Variants in CPM observed in about 807,000 individuals in gnomAD.
CPM encodes the protein carboxypeptidase M, also known as renal carboxypeptidase.
Under a neutral mutation model 46.4 loss-of-function variants are expected in CPM, and 35 were observed. That is an observed-to-expected ratio of 0.75 (90% CI 0.58 to 1.00). CPM has a LOEUF of 1.00. Among genes scored for constraint, CPM ranks in the 50% least tolerant of loss-of-function variants. The probability of loss-of-function intolerance (pLI) is 0.00; values close to 1 mark genes in which losing one functional copy is unlikely to be tolerated. For missense variants in CPM, 422 were observed against 530.4 expected (o/e 0.80, Z 2.01); for synonymous variants, 195 against 195.3 (o/e 1.00, Z 0.01).
At chr12:68,913,695 C>T (rs760116903) in intron 2 of CPM, 9 of 352,500 alleles carry the variant, frequency 2.6e-5, no homozygotes, top group African/African-American at 4.3e-5. Context: ...TCGGTTTATT[C>T]TTGCAAAGGT....
chr12:68,913,050 C>T (rs915007409), intron 2 of CPM, among the ~76,000 whole-genome samples: 4 of 152,180 alleles, frequency 2.6e-5, no homozygotes, highest in Non-Finnish European at 4.4e-5. Flanking sequence ...AGTGTCCCTA[C>T]ACGGCACCAT....
At chr12:68,933,080 G>A (rs1888582396) in intron 1 of CPM, 62 bp downstream of exon 1, 1 of 420,130 alleles carries the variant, frequency 2.4e-6, no homozygotes, top group Non-Finnish European at 4.3e-6. Context: ...TCCTCCTCCT[G>A]GCGCCTCCGC....
chr12:68,870,976 A>C (rs2136231643), intron 4 of CPM, among the ~76,000 whole-genome samples: 1 of 152,384 alleles, frequency 6.6e-6, no homozygotes, highest in East Asian at 1.9e-4. Flanking sequence ...GCCATGTTTA[A>C]ATATATTTGA....
chr12:68,909,797 G>A (rs1205476189), intron 2 of CPM, among the ~76,000 whole-genome samples: 1 of 136,182 alleles, frequency 7.3e-6, no homozygotes. Context: ...AGAACACATG[G>A]ACACAGGGAG....
At chr12:68,862,906 G>T (rs1885273139) in intron 7 of CPM, among the ~76,000 whole-genome samples, 1 of 151,332 alleles carries the variant, frequency 6.6e-6, no homozygotes, top group Non-Finnish European at 1.5e-5. Context: ...ATACAAATGA[G>T]AAGACATAAA....
At chr12:68,872,013 ACTC>A (rs1372712234) in intron 3 of CPM, 57 bp from the exon 4 acceptor site, 6 of 1,577,530 alleles carry the variant, frequency 3.8e-6, no homozygotes, top group Non-Finnish European at 5.2e-6. Flanking sequence ...TAAGGAAAGC[ACTC>A]CCTACGGTAC....
At chr12:68,894,400 A>G (rs1886782803) in intron 2 of CPM, among the ~76,000 whole-genome samples, 1 of 152,118 alleles carries the variant, frequency 6.6e-6, no homozygotes, top group South Asian at 2.1e-4. Flanking sequence ...ATTGGCACAT[A>G]ACATCCAGAG....
At position 68,856,433 on chromosome 12, in the gene CPM, T is replaced by A; in HGVS notation, c.*4A>T. On this transcript the variant is annotated 3_prime_UTR_variant, in exon 9 of 9. Coordinates refer to ENST00000551568, the MANE Select transcript of CPM (RefSeq NM_198320.5). ...GTGATGTGGGTTGAGTTTCACATTT[T>A]ACTTTATTTGAAGAATATGTGCAAA... is the stretch of plus-strand genomic sequence containing the variant. 3 of 1,612,500 alleles carry A rather than the reference T, an allele frequency of 1.9e-6. No individual in the cohort carries two copies. The highest frequency in any genetic ancestry group is 2.5e-6 in the Non-Finnish European group (3 of 1,179,076).
At chr12:68,940,601 C>T (rs1251651442) in intron 1 of CPM, among the ~76,000 whole-genome samples, 2 of 150,832 alleles carry the variant, frequency 1.3e-5, no homozygotes, top group Non-Finnish European at 2.9e-5. Context: ...GTGTATATGC[C>T]CAGAGCACCA....
intron 7 of CPM, among the ~76,000 whole-genome samples, chr12:68,863,082 T>C (rs553970250): frequency 3.3e-5 from 5 of 152,316 alleles, no homozygotes; most frequent in Middle Eastern, 3.4e-3. Context: ...GCTGGGACAG[T>C]ACTTAGGAGA....
Position 68,962,069 on chromosome 12 carries a change from G to GGCA in CPM, c.-4+1099_-4+1100insTGC, listed in dbSNP as rs1450487181. 1.8e-4 allele frequency among the ~76,000 whole-genome samples: 27 copies of GGCA among 152,014 alleles called. No individual in the cohort carries two copies. In the South Asian group the frequency reaches 5.4e-3, roughly 30 times the overall value. ...CAAAAAATTAGCCGGGCACGGTGGT[G>GGCA]GGCGCCTGTAGTCTCAGCTACTCAG... On this transcript the variant is annotated intron_variant, in intron 1 of 8. Transcript: ENST00000546373.
intron 2 of CPM, among the ~76,000 whole-genome samples, chr12:68,903,627 A>C (rs1887208639): frequency 6.6e-6 from 1 of 152,196 alleles, no homozygotes; most frequent in South Asian, 2.1e-4. Flanking sequence ...TCTTATCTTG[A>C]TCTTAGTTTG....
chr12:68,951,072 T>C (rs1422537692), intron 1 of CPM, among the ~76,000 whole-genome samples: 1 of 152,236 alleles, frequency 6.6e-6, no homozygotes, highest in Non-Finnish European at 1.5e-5. Flanking sequence ...TTTTGGAACA[T>C]GGAATGAAAC....
intron 1 of CPM, among the ~76,000 whole-genome samples, chr12:68,948,412 T>C (rs1888881606): frequency 6.6e-6 from 1 of 152,030 alleles, no homozygotes; most frequent in Non-Finnish European, 1.5e-5. Context: ...AACCCCAAAA[T>C]ATTCAGGTAA....
chr12:68,844,701 A>G (rs1012687931), intron 5 of CPM: 5 of 221,160 alleles, frequency 2.3e-5, no homozygotes, highest in Admixed American at 5.8e-5. Context: ...CCCCTAAGCC[A>G]GACGGGGACT....
chr12:68,945,094 C>T (rs1565808536), intron 1 of CPM, among the ~76,000 whole-genome samples: 1 of 151,980 alleles, frequency 6.6e-6, no homozygotes, highest in Non-Finnish European at 1.5e-5. Context: ...ATCTTGTGAC[C>T]TCTGGCCACA....
At chr12:68,905,140 C>T (rs1887287681) in intron 2 of CPM, among the ~76,000 whole-genome samples, 1 of 151,426 alleles carries the variant, frequency 6.6e-6, no homozygotes, top group Non-Finnish European at 1.5e-5. Flanking sequence ...GAACTCCTGA[C>T]CTCAGGTGAT....
intron 8 of CPM, among the ~76,000 whole-genome samples, chr12:68,858,581 G>A (rs372299286): frequency 7.2e-5 from 11 of 152,064 alleles, no homozygotes; most frequent in African/African-American, 2.2e-4. Context: ...GTGTTGTGTC[G>A]TATCCTGGGA....
chr12:68,934,133 C>G (rs1888623322), upstream of CPM, among the ~76,000 whole-genome samples: 1 of 152,080 alleles, frequency 6.6e-6, no homozygotes, highest in South Asian at 2.1e-4. Context: ...CCTCTCTCCC[C>G]CTTTCTCCCA....
Sources: gnomAD v4.1 joint callset for allele counts (sites outside exome capture counted in the v4.1 genomes callset) on GRCh38, gnomAD v4.1.1 for gene constraint, MANE v1.5 for transcripts, NCBI Gene and HGNC (gene_info 2026-07-23, HGNC 2026-07-21) for gene names.